BIRC5: variants seen among roughly 807,000 people sequenced by gnomAD.
The protein encoded by BIRC5 is baculoviral IAP repeat-containing protein 5.
In BIRC5, 8 loss-of-function variants were observed where a neutral mutation model predicts 15.8. That is an observed-to-expected ratio of 0.51 (90% CI 0.30 to 0.91). The LOEUF (loss-of-function observed/expected upper bound fraction) is 0.91, where lower values mean the gene tolerates loss of function less well. BIRC5 is among the 40% of genes least tolerant of loss of function. The probability of loss-of-function intolerance (pLI) is 0.07; values close to 1 mark genes in which losing one functional copy is unlikely to be tolerated. For missense variants in BIRC5, 163 were observed against 178.6 expected, an observed-to-expected ratio of 0.91 and a Z score of 0.50; for synonymous variants, 56 against 64.5, an observed-to-expected ratio of 0.87 and a Z score of 0.63.
intron 2 of BIRC5, among the ~76,000 whole-genome samples, chr17:78,215,431 GA>G (rs955782633): frequency 1.0e-3 from 138 of 135,392 alleles, no homozygotes; most frequent in Middle Eastern, 3.8e-3. Context: ...ATAAAAAATT[GA>G]AAAAAAAAAA....
In BIRC5 at chr17:78,215,927, C is replaced by T. The variant is rs748301248; in HGVS notation, c.222-737C>T. On this transcript the variant is annotated intron_variant, in intron 2 of 3. Transcript: ENST00000350051. ...GAGCTAGGGGGTCCCTTGGGGAACC[C>T]GGGGCAATAATGCCCTTCTCTGCCC... The T allele has an allele frequency of 1.3e-5, 14 of 1,065,808 alleles. No individual in the cohort carries two copies. The South Asian group carries it at 1.8e-4, about 13-fold the overall frequency. The allele number at this position is 1,065,808 out of a possible 1,614,324, so 66.0% of individuals were successfully genotyped here.
chr17:78,216,566 G>T (rs965704300), intron 2 of BIRC5, 98 bp from the exon 3 acceptor site: 18 of 950,194 alleles, frequency 1.9e-5, no homozygotes, highest in Middle Eastern at 2.1e-4. Flanking sequence ...GGCAGAGCAG[G>T]GTGTGCCTGT....
chr17:78,214,584 C>T, intron 1 of BIRC5, 96 bp from the exon 2 acceptor site: 1 of 1,324,270 alleles, frequency 7.6e-7, no homozygotes, highest in Non-Finnish European at 1.0e-6. Flanking sequence ...CCAGGCCGGC[C>T]TCCCCTCCCT....
rs1599030234 is a variant in BIRC5, at chr17:78,218,584, G to A, written c.339+1803G>A. 5.4e-5 allele frequency among the ~76,000 whole-genome samples: 8 copies of A among 147,586 alleles called. No homozygotes were observed. The South Asian group carries it at 6.4e-4, about 12-fold the overall frequency. ...GGATTACAGGCATGAGCCACCATGC[G>A]TGGTCTTTTTAAAATTTTTTGATTT... On this transcript the variant is annotated intron_variant, in intron 3 of 3. Transcript: ENST00000350051.
chr17:78,216,928 G>A, intron 3 of BIRC5, 147 bp downstream of exon 3: 2 of 544,286 alleles, frequency 3.7e-6, no homozygotes, highest in South Asian at 4.1e-5. Flanking sequence ...TGCCCAGGCT[G>A]GAGTGCAATG....
At position 78,222,678 on chromosome 17, in the gene BIRC5, A is replaced by AT. The variant is rs200874209; in HGVS notation, c.340-779dup. On this transcript the variant is annotated intron_variant, in intron 3 of 3. Coordinates refer to ENST00000350051, the MANE Select transcript of BIRC5 (RefSeq NM_001168.3). Reference sequence around the variant, plus strand: ...GAAAGTCCGTCTCAAAAAAAAAGTAATTTTTTTTAAGTTAACCTCTGTCAG... The same window carrying AT: ...GAAAGTCCGTCTCAAAAAAAAAGTAATTTTTTTTTAAGTTAACCTCTGTCAG... 2,387 of 1,207,206 alleles carry AT rather than the reference A, an allele frequency of 2.0e-3. 38 individuals are homozygous for AT. In the African/African-American group the frequency reaches 0.032, roughly 16 times the overall value. 74.8% of individuals were successfully genotyped at this position (1,207,206 alleles called of 1,614,324 possible).
At chr17:78,216,437 C>T in intron 2 of BIRC5, 1 of 458,632 alleles carries the variant, frequency 2.2e-6, no homozygotes, top group Non-Finnish European at 4.0e-6. Context: ...ACATTAGCCA[C>T]ACAGATGTGG....
chr17:78,225,596 AACTC>A lies in BIRC5; in HGVS notation c.*2045_*2048del, dbSNP rs2145903931. On this transcript the variant is annotated 3_prime_UTR_variant, in exon 4 of 4. Transcript: ENST00000350051. ...CAGGCTGTCGCCATGTGGAAAGAGT[AACTC>A]ACAATTGCCAATAAAGTCTCATGTG... The A allele has an allele frequency of 1.3e-5, 2 of 152,374 alleles. No homozygotes were observed. Among genetic ancestry groups the A allele is most frequent in the African/African-American group, 4.8e-5 (2 of 41,592 alleles). The allele number at this position is 152,374 out of a possible 1,614,324, so 9.4% of individuals were successfully genotyped here.
intron 3 of BIRC5, among the ~76,000 whole-genome samples, chr17:78,222,335 C>T (rs2076520895): frequency 6.6e-6 from 1 of 150,790 alleles, no homozygotes; most frequent in Non-Finnish European, 1.5e-5. Flanking sequence ...ATTACTTATA[C>T]ATGAGGTAAA....
At chr17:78,218,300 A>T (rs2076493693) in intron 3 of BIRC5, among the ~76,000 whole-genome samples, 1 of 148,922 alleles carries the variant, frequency 6.7e-6, no homozygotes, top group South Asian at 2.1e-4. Flanking sequence ...ATTTATTTTT[A>T]ATTTTTTTTT....
In BIRC5 at chr17:78,225,058, C is replaced by T. The variant is rs2076540850; in HGVS notation, c.*1504C>T. 1 of 152,206 alleles carries T rather than the reference C, an allele frequency of 6.6e-6. No individual in the cohort carries two copies. The highest frequency in any genetic ancestry group is 1.5e-5 in the Non-Finnish European group (1 of 68,048). 9.4% of individuals were successfully genotyped at this position (152,206 alleles called of 1,614,324 possible). On this transcript the variant is annotated 3_prime_UTR_variant, in exon 4 of 4. Transcript: ENST00000350051. ...AGCTGCTTATTTTTGATATTTGTGT[C>T]AGTCTGTAAATGGATACTTCACTTT...
chr17:78,222,505 A>G (rs895618831), intron 3 of BIRC5, among the ~76,000 whole-genome samples: 1 of 152,004 alleles, frequency 6.6e-6, no homozygotes, highest in Non-Finnish European at 1.5e-5. Flanking sequence ...CATCTCTACT[A>G]AAAATACAAA....
rs1271856199 is a variant in BIRC5, at chr17:78,218,169, GCCGGTATAAGTATATA to G, written c.339+1401_339+1416del. On this transcript the variant is annotated intron_variant, in intron 3 of 3. Coordinates refer to ENST00000350051, the MANE Select transcript of BIRC5 (RefSeq NM_001168.3). ...GTGATTTTAAAGCTCCTGGAGTGTG[GCCGGTATAAGTATATA>G]CCGGTATAAGTAAATCCCACATTTT... Among the ~76,000 whole-genome samples, 5 of 151,952 alleles carry G rather than the reference GCCGGTATAAGTATATA, an allele frequency of 3.3e-5. No individual in the cohort carries two copies. In the East Asian group the frequency reaches 5.8e-4, roughly 18 times the overall value.
rs143777433 is a variant in BIRC5, at chr17:78,223,519, C to T, written c.394C>T (p.Arg132Cys). 8.1e-6 allele frequency: 13 copies of T among 1,612,052 alleles called. No individual in the cohort carries two copies. Among genetic ancestry groups the T allele is most frequent in the African/African-American group, 2.7e-5 (2 of 74,848 alleles). ...ATTTGAGGAAACTGCGGAGAAAGTGCGCCGTGCCATCGAGCAGCTGGCTGC... is the reference window on the plus strand; with the variant it reads ...ATTTGAGGAAACTGCGGAGAAAGTGTGCCGTGCCATCGAGCAGCTGGCTGC... ...KEFEETAEKV[R>C]RAIEQLAAMD Residue 132 changes from arginine to cysteine, a missense_variant, in exon 4 of 4, where the codon CGC (arginine) becomes TGC (cysteine). Physicochemically the swap from Arg to Cys is radical, Grantham distance 180. Coordinates refer to ENST00000350051, the MANE Select transcript of BIRC5 (RefSeq NM_001168.3).
At chr17:78,215,791 A>G (rs1446246084) in intron 2 of BIRC5, among the ~76,000 whole-genome samples, 1 of 152,228 alleles carries the variant, frequency 6.6e-6, no homozygotes, top group East Asian at 1.9e-4. Context: ...TTAGAGTTAC[A>G]ACTGGCTGTC....
At chr17:78,214,828 G>T (rs2145892240) in intron 2 of BIRC5, 39 bp downstream of exon 2, 1 of 1,551,244 alleles carries the variant, frequency 6.4e-7, no homozygotes. Context: ...GCTTTGTTTT[G>T]AACTGAGTTG....
intron 3 of BIRC5, chr17:78,222,950 A>C (rs985943872): frequency 2.0e-6 from 3 of 1,527,510 alleles, no homozygotes; most frequent in Admixed American, 4.1e-5. Context: ...CTGGACATGA[A>C]GAGGAAGGCT....
Position 78,223,795 on chromosome 17 carries a change from T to C in BIRC5, c.*241T>C, listed in dbSNP as rs908991160. On this transcript the variant is annotated 3_prime_UTR_variant, in exon 4 of 4. Coordinates refer to ENST00000350051, the MANE Select transcript of BIRC5 (RefSeq NM_001168.3). ...CTGCTTCTCTCTCTCTCTCTCTTTT[T>C]TGGGGGCTCATTTTTGCTGTTTTGA... The C allele has an allele frequency of 3.5e-6, 3 of 857,510 alleles. No individual in the cohort carries two copies. The highest frequency in any genetic ancestry group is 6.0e-5 in the East Asian group (2 of 33,270). The allele number at this position is 857,510 out of a possible 1,614,324, so 53.1% of individuals were successfully genotyped here. A position where few individuals can be genotyped will look rare whatever the true frequency, so the allele number is the denominator to read the frequency against.
chr17:78,215,296 A>G (rs1206920114), intron 2 of BIRC5, among the ~76,000 whole-genome samples: 2 of 152,330 alleles, frequency 1.3e-5, no homozygotes, highest in East Asian at 3.9e-4. Context: ...GCACGCCCGT[A>G]ATCCCAGCTA....
Sources: gnomAD v4.1 joint callset for allele counts (sites outside exome capture counted in the v4.1 genomes callset) on GRCh38, gnomAD v4.1.1 for gene constraint, MANE v1.5 for transcripts, NCBI Gene and HGNC (gene_info 2026-07-23, HGNC 2026-07-21) for gene names.